Variants in ERP44 observed in about 807,000 individuals in gnomAD.
ERP44 encodes the protein endoplasmic reticulum protein 44, also known as endoplasmic reticulum resident protein 44.
In ERP44, 25 loss-of-function variants were observed where a neutral mutation model predicts 53.4. The ratio of observed to expected loss-of-function variants is 0.47; its 90% CI spans 0.34 to 0.65. The LOEUF is 0.65. Ranked by LOEUF, ERP44 falls within the 30% of genes least tolerant of loss-of-function variation. ERP44 has a pLI of 0.01. For synonymous variants in ERP44, 145 were observed against 161.2 expected (o/e 0.90, Z 0.76); for missense variants, 338 against 493.2 (o/e 0.69, Z 2.98).
rs1830155495 is a variant in ERP44, at chr9:99,982,293, C to G, written c.*319G>C. ...GGAAACATCCCTAAGTCCTCCCTAC[C>G]CTAGTAGTGCAAGTTAATGGTAAGT... is the stretch of plus-strand genomic sequence containing the variant. On this transcript the variant is annotated 3_prime_UTR_variant, in exon 12 of 12. Transcript: ENST00000262455. 1 of 160,348 alleles carries G rather than the reference C, an allele frequency of 6.2e-6. No individual in the cohort carries two copies. The allele number at this position is 160,348 out of a possible 1,614,324, so 9.9% of individuals were successfully genotyped here.
At chr9:100,016,244 A>G in intron 8 of ERP44, 78 bp downstream of exon 8, 1 of 1,518,658 alleles carries the variant, frequency 6.6e-7, no homozygotes, top group Non-Finnish European at 8.8e-7. Context: ...CTCTGTTAAC[A>G]TAGTAAGACA....
chr9:100,034,858 T>A (rs1825832092), intron 4 of ERP44, among the ~76,000 whole-genome samples: 1 of 152,162 alleles, frequency 6.6e-6, no homozygotes, highest in Admixed American at 6.5e-5. Flanking sequence ...AACAGTAAGA[T>A]ACCAGTACAA....
chr9:100,078,042 G>C (rs955001930), intron 1 of ERP44, among the ~76,000 whole-genome samples: 1 of 152,246 alleles, frequency 6.6e-6, no homozygotes, highest in Admixed American at 6.5e-5. Flanking sequence ...GGTAGAACAA[G>C]GCAGTCATCA....
At chr9:100,086,085 C>A (rs1826478521) in intron 1 of ERP44, among the ~76,000 whole-genome samples, 1 of 152,120 alleles carries the variant, frequency 6.6e-6, no homozygotes, top group African/African-American at 2.4e-5. Context: ...CAGAGATAAT[C>A]TTTTTTGAAT....
At chr9:100,074,211 C>A (rs969844104) in intron 1 of ERP44, among the ~76,000 whole-genome samples, 1 of 152,048 alleles carries the variant, frequency 6.6e-6, no homozygotes, top group African/African-American at 2.4e-5. Context: ...CACAGGAGTC[C>A]CCAAACCCAA....
chr9:99,997,427 T>A (rs1830324389), intron 10 of ERP44, among the ~76,000 whole-genome samples: 1 of 152,234 alleles, frequency 6.6e-6, no homozygotes, highest in Non-Finnish European at 1.5e-5. Flanking sequence ...AATTTTTATT[T>A]AATAAATGGT....
intron 4 of ERP44, among the ~76,000 whole-genome samples, chr9:100,048,444 G>A (rs1166432826): frequency 2.6e-5 from 4 of 152,116 alleles, no homozygotes; most frequent in African/African-American, 4.8e-5. Flanking sequence ...TACAGCTGCT[G>A]TGAAAGATGG....
intron 2 of ERP44, 52 bp downstream of exon 2, chr9:100,060,044 AAACT>A: frequency 7.7e-7 from 1 of 1,292,946 alleles, no homozygotes; most frequent in Non-Finnish European, 1.0e-6. Flanking sequence ...TTGTATATAT[AAACT>A]AACTCTCTAT....
At chr9:100,052,757 T>A (rs531718981) in intron 3 of ERP44, among the ~76,000 whole-genome samples, 96 of 152,344 alleles carry the variant, frequency 6.3e-4, no homozygotes, top group Non-Finnish European at 1.0e-3. Flanking sequence ...ATTTTGGTTT[T>A]ATTCATCTTA....
chr9:99,997,213 G>C (rs1830320722), intron 10 of ERP44, among the ~76,000 whole-genome samples: 1 of 152,114 alleles, frequency 6.6e-6, no homozygotes, highest in South Asian at 2.1e-4. Flanking sequence ...GTTCTTAAAG[G>C]AATCTCCACA....
intron 4 of ERP44, among the ~76,000 whole-genome samples, chr9:100,034,136 G>A (rs1353886297): frequency 6.6e-6 from 1 of 152,170 alleles, no homozygotes; most frequent in Admixed American, 6.5e-5. Context: ...GTCATAGGAT[G>A]AGATAGGAGG....
At chr9:100,096,520 C>G (rs1826631907) in intron 1 of ERP44, among the ~76,000 whole-genome samples, 1 of 151,948 alleles carries the variant, frequency 6.6e-6, no homozygotes, top group Non-Finnish European at 1.5e-5. Context: ...TTCCAAAATG[C>G]TTTGAGATCA....
chr9:99,995,103 T>G (rs1198413594), intron 10 of ERP44, among the ~76,000 whole-genome samples: 7 of 152,134 alleles, frequency 4.6e-5, no homozygotes, highest in African/African-American at 1.7e-4. Flanking sequence ...CCCCTCCTTT[T>G]GGAGCTACTA....
chr9:100,077,539 C>G (rs1826371486), intron 1 of ERP44, among the ~76,000 whole-genome samples: 1 of 152,182 alleles, frequency 6.6e-6, no homozygotes, highest in Admixed American at 6.5e-5. Context: ...GGAAGTGGCA[C>G]CACTCACCAT....
intron 8 of ERP44, among the ~76,000 whole-genome samples, chr9:100,015,888 A>T (rs973454026): frequency 6.6e-6 from 1 of 152,056 alleles, no homozygotes; most frequent in African/African-American, 2.4e-5. Context: ...TGACAATCTA[A>T]TGCTGCCACT....
At chr9:100,018,134 T>C (rs1405995445) in intron 7 of ERP44, 122 bp downstream of exon 7, 2 of 727,236 alleles carry the variant, frequency 2.8e-6, no homozygotes, top group Admixed American at 4.0e-5. Context: ...AAGATGATGC[T>C]TCAAACTTCC....
chr9:100,038,442 G>A (rs774889614), intron 4 of ERP44, among the ~76,000 whole-genome samples: 2 of 152,012 alleles, frequency 1.3e-5, no homozygotes, highest in Non-Finnish European at 2.9e-5. Context: ...AAAATAATGA[G>A]TTATACGATA....
chr9:100,016,573 C>G, intron 7 of ERP44, 135 bp from the exon 8 acceptor site: 1 of 1,271,688 alleles, frequency 7.9e-7, no homozygotes, highest in South Asian at 1.8e-5. Flanking sequence ...ATGATCATGG[C>G]TCACTGCAGC....
rs1489489468 is a variant in ERP44 at position 100,012,184 on chromosome 9, AG to A, written c.762+4137del. Among the ~76,000 whole-genome samples, 8 of 152,292 alleles carry A rather than the reference AG, an allele frequency of 5.3e-5. No individual in the cohort carries two copies. The East Asian group carries it at 1.4e-3, about 26-fold the overall frequency. On this transcript the variant is annotated intron_variant, in intron 8 of 11. Transcript: ENST00000262455. ...GCTTGTGTTAGAATTTTCACTCAAA[AG>A]TCTTCTATAATTCAAAATTCCAAAA...
Sources: allele counts gnomAD v4.1 joint callset (sites outside exome capture counted in the v4.1 genomes callset), GRCh38; gene constraint gnomAD v4.1.1; transcripts MANE v1.5; gene names NCBI Gene and HGNC (gene_info 2026-07-23, HGNC 2026-07-21).